SDK1: variants seen among roughly 807,000 people sequenced by gnomAD.
The protein encoded by SDK1 is protein sidekick-1.
In SDK1, 157 loss-of-function variants were observed where a neutral mutation model predicts 245.5. That is an observed-to-expected ratio of 0.64 (90% CI 0.56 to 0.73). The LOEUF is 0.73. Ranked by LOEUF, SDK1 falls within the 30% of genes least tolerant of loss-of-function variation. The pLI, the probability that SDK1 is intolerant of heterozygous loss-of-function variation, is 0.00. For synonymous variants in SDK1, 1,647 were observed against 1,278.5 expected (o/e 1.29, Z -6.15); for missense variants, 3,583 against 3,002.3 (o/e 1.19, Z -4.52).
At chr7:3,645,166 A>T (rs1004861928) in intron 4 of SDK1, among the ~76,000 whole-genome samples, 1 of 152,234 alleles carries the variant, frequency 6.6e-6, no homozygotes, top group Non-Finnish European at 1.5e-5. Flanking sequence ...AAACTTGCAA[A>T]TACATGCTAA....
chr7:4,249,023 AC>A (rs1290728574), intron 44 of SDK1, among the ~76,000 whole-genome samples: 2 of 152,150 alleles, frequency 1.3e-5, no homozygotes, highest in Non-Finnish European at 2.9e-5. Flanking sequence ...ACACATGCAC[AC>A]ATGCCTGCAC....
intron 1 of SDK1, among the ~76,000 whole-genome samples, chr7:3,466,259 G>T (rs1227449929): frequency 6.6e-6 from 1 of 151,518 alleles, no homozygotes; most frequent in African/African-American, 2.4e-5. Context: ...CTAGTTCTGG[G>T]AGCCGTGTTC....
chr7:4,132,766 G>A (rs1784924022), intron 28 of SDK1, among the ~76,000 whole-genome samples: 1 of 152,144 alleles, frequency 6.6e-6, no homozygotes, highest in Admixed American at 6.6e-5. Flanking sequence ...TATTTAAAAG[G>A]AGAGAAATAA....
intron 1 of SDK1, among the ~76,000 whole-genome samples, chr7:3,582,127 C>G (rs1384849487): frequency 6.7e-6 from 1 of 149,092 alleles, no homozygotes; most frequent in African/African-American, 2.5e-5. Context: ...AGGCCTGTCT[C>G]AGGTAGGTCT....
At chr7:3,824,117 C>T (rs1232113311) in intron 5 of SDK1, among the ~76,000 whole-genome samples, 1 of 152,058 alleles carries the variant, frequency 6.6e-6, no homozygotes, top group East Asian at 1.9e-4. Context: ...CAGGACCTGG[C>T]CACCCTGCTC....
At chr7:3,798,180 C>A (rs960600524) in intron 4 of SDK1, among the ~76,000 whole-genome samples, 2 of 145,050 alleles carry the variant, frequency 1.4e-5, no homozygotes, top group African/African-American at 5.1e-5. Flanking sequence ...CTTCTCCAAT[C>A]TGTGACCTTG....
intron 1 of SDK1, among the ~76,000 whole-genome samples, chr7:3,330,438 C>T (rs1346797109): frequency 1.3e-5 from 2 of 152,036 alleles, no homozygotes; most frequent in Non-Finnish European, 2.9e-5. Context: ...GGAGGTGGGC[C>T]TGTGGGAGGT....
At chr7:4,138,948 G>T (rs2128203615) in intron 28 of SDK1, among the ~76,000 whole-genome samples, 1 of 152,318 alleles carries the variant, frequency 6.6e-6, no homozygotes, top group South Asian at 2.1e-4. Context: ...TTCTGTGGCT[G>T]CCGGAGCCTG....
At chr7:3,728,960 G>A (rs529397333) in intron 4 of SDK1, among the ~76,000 whole-genome samples, 1 of 152,100 alleles carries the variant, frequency 6.6e-6, no homozygotes, top group South Asian at 2.1e-4. Context: ...AGAAAAACTT[G>A]TATTTAAAAA....
chr7:3,428,120 T>C (rs1779728166), intron 1 of SDK1, among the ~76,000 whole-genome samples: 1 of 152,238 alleles, frequency 6.6e-6, no homozygotes, highest in Admixed American at 6.5e-5. Flanking sequence ...CTTTTCTGTC[T>C]GTGTACCAAC....
intron 17 of SDK1, among the ~76,000 whole-genome samples, chr7:4,021,508 G>T (rs1371958214): frequency 6.6e-6 from 1 of 152,170 alleles, no homozygotes; most frequent in Non-Finnish European, 1.5e-5. Flanking sequence ...GGCAGTAGGT[G>T]GGGCAGTCAT....
chr7:4,240,327 T>G (rs909955574), intron 42 of SDK1, among the ~76,000 whole-genome samples: 1 of 152,076 alleles, frequency 6.6e-6, no homozygotes, highest in African/African-American at 2.4e-5. Context: ...CCAGAATGTC[T>G]CCCGTCCTGC....
intron 4 of SDK1, among the ~76,000 whole-genome samples, chr7:3,737,477 G>A (rs7801699): frequency 0.01 from 1,568 of 152,336 alleles, 24 homozygotes; most frequent in African/African-American, 0.036. Context: ...AGAGCTGTAG[G>A]CTGAGCCCCA....
intron 4 of SDK1, among the ~76,000 whole-genome samples, chr7:3,780,128 A>C (rs945507892): frequency 6.6e-6 from 1 of 152,154 alleles, no homozygotes; most frequent in Non-Finnish European, 1.5e-5. Flanking sequence ...TGATCTGCAT[A>C]ATTCAATGAA....
chr7:3,489,581 G>A (rs1363975134), intron 1 of SDK1, among the ~76,000 whole-genome samples: 2 of 152,198 alleles, frequency 1.3e-5, no homozygotes, highest in Non-Finnish European at 2.9e-5. Flanking sequence ...AATGAAAGGT[G>A]CATATCTGGA....
rs572637054 is a variant in SDK1, at chr7:3,331,297, A to G, written c.298+29413A>G. The stretch of plus-strand genomic sequence containing the variant: ...AAACAAAAAACAAAACACCCAGTCT[A>G]TGGTGTTCTGTTACAGCAACAGAAT... On this transcript the variant is annotated intron_variant, in intron 1 of 44. Transcript: ENST00000404826. Among the ~76,000 whole-genome samples the G allele has an allele frequency of 1.4e-4, 22 of 152,248 alleles. No homozygotes were observed. The South Asian group carries it at 2.5e-3, about 17-fold the overall frequency.
chr7:3,986,641 A>G (rs1289442969), intron 13 of SDK1, among the ~76,000 whole-genome samples: 1 of 152,134 alleles, frequency 6.6e-6, no homozygotes. Context: ...CGGGTGAATC[A>G]CAAGGTCAGG....
rs538971451 is a variant in SDK1, at chr7:4,268,238, G to A, written c.*2854G>A. ...CCCACCCTGCAAGGATGTGGTCACGGAGTGGCCAGGAGGCTCCGTCTGAGC... is the reference window on the plus strand; with the variant it reads ...CCCACCCTGCAAGGATGTGGTCACGAAGTGGCCAGGAGGCTCCGTCTGAGC... On this transcript the variant is annotated 3_prime_UTR_variant, in exon 45 of 45. Transcript: ENST00000404826. 1.8e-5 allele frequency: 18 copies of A among 992,642 alleles called. No individual in the cohort carries two copies. The African/African-American group carries it at 3.0e-4, about 16-fold the overall frequency. The allele number at this position is 992,642 out of a possible 1,614,324, so 61.5% of individuals were successfully genotyped here.
intron 15 of SDK1, among the ~76,000 whole-genome samples, chr7:4,011,630 G>GCA (rs1785973663): frequency 6.6e-6 from 1 of 152,214 alleles, no homozygotes; most frequent in South Asian, 2.1e-4. Context: ...TCACATTTCA[G>GCA]CACACCTTCC....
Sources: gnomAD v4.1 joint callset for allele counts (sites outside exome capture counted in the v4.1 genomes callset) on GRCh38, gnomAD v4.1.1 for gene constraint, MANE v1.5 for transcripts, NCBI Gene and HGNC (gene_info 2026-07-23, HGNC 2026-07-21) for gene names.